LRRC40: variants seen among roughly 807,000 people sequenced by gnomAD.
LRRC40 encodes leucine-rich repeat-containing protein 40.
LRRC40 carries 76 observed loss-of-function variants against 72.8 expected under a neutral mutation model. That is an observed-to-expected ratio of 1.04 (90% CI 0.87 to 1.26). The LOEUF is 1.26. LRRC40 is among the 50% of genes most tolerant of loss of function. The pLI is 0.00. For synonymous variants in LRRC40, 243 were observed against 254.2 expected, an observed-to-expected ratio of 0.96 and a Z score of 0.42; for missense variants, 684 against 698.9, an observed-to-expected ratio of 0.98 and a Z score of 0.24.
chr1:70,146,178 C>A (rs2100214695), intron 14 of LRRC40, among the ~76,000 whole-genome samples: 1 of 152,184 alleles, frequency 6.6e-6, no homozygotes, highest in Non-Finnish European at 1.5e-5. Flanking sequence ...GTGTGTTCCA[C>A]CACACCCGGC....
At chr1:70,161,139 G>A (rs934498355) in intron 9 of LRRC40, among the ~76,000 whole-genome samples, 10 of 151,170 alleles carry the variant, frequency 6.6e-5, no homozygotes, top group African/African-American at 1.5e-4. Context: ...CCAGGCTGGA[G>A]TGCAGTGGCG....
intron 1 of LRRC40, among the ~76,000 whole-genome samples, chr1:70,190,682 A>AAAAAAAAAAAAAAAAAAAC (rs1668478371): frequency 6.8e-6 from 1 of 147,898 alleles, no homozygotes; most frequent in African/African-American, 2.5e-5. Context: ...GTCTCTAAAA[A>AAAAAAAAAAAAAAAAAAAC]AAAAAAAAAA....
intron 1 of LRRC40, among the ~76,000 whole-genome samples, chr1:70,203,148 A>G (rs1315938006): frequency 6.6e-6 from 1 of 151,836 alleles, no homozygotes; most frequent in Non-Finnish European, 1.5e-5. Flanking sequence ...CTGCCTCTCA[A>G]TTTGCCAGAG....
chr1:70,201,227 A>C (rs1668731146), intron 1 of LRRC40, among the ~76,000 whole-genome samples: 1 of 152,194 alleles, frequency 6.6e-6, no homozygotes, highest in South Asian at 2.1e-4. Context: ...AGGTACTAAT[A>C]TTTTGGGGTA....
chr1:70,184,665 T>C, intron 4 of LRRC40, 120 bp downstream of exon 4: 1 of 956,302 alleles, frequency 1.0e-6, no homozygotes, highest in African/African-American at 1.7e-5. Flanking sequence ...TTTCTGATAA[T>C]CTAATCACAA....
chr1:70,182,012 T>A (rs1459929906), intron 4 of LRRC40, among the ~76,000 whole-genome samples: 1 of 151,978 alleles, frequency 6.6e-6, no homozygotes, highest in Non-Finnish European at 1.5e-5. Flanking sequence ...TCATTTAATA[T>A]AACATTAAAC....
In LRRC40 at chr1:70,181,155, T is replaced by C. The variant is rs772790179; in HGVS notation, c.592A>G (p.Ser198Gly). 5 of 1,597,124 alleles carry C rather than the reference T, an allele frequency of 3.1e-6. No homozygotes were observed. The highest frequency in any genetic ancestry group is 4.3e-6 in the Non-Finnish European group (5 of 1,172,682). The change falls in exon 5 of 15, where the codon AGT (serine) becomes GGT (glycine). Residue 198 changes from serine to glycine, a missense_variant. By Grantham distance (56) the Ser-to-Gly change is moderately conservative. Transcript: ENST00000370952. ...TVPASFSSLS[S>G]LVRLNLSSNE... ...CTAGAAAGATTGAGTCGCACCAGAC[T>C]GGACAGAGAAGAAAAACTAGCAGGA...
intron 13 of LRRC40, among the ~76,000 whole-genome samples, chr1:70,149,119 A>T (rs183041391): frequency 1.3e-5 from 2 of 152,342 alleles, no homozygotes; most frequent in African/African-American, 4.8e-5. Context: ...GTTCTTAAAA[A>T]GATAACAAAT....
intron 13 of LRRC40, among the ~76,000 whole-genome samples, chr1:70,150,550 G>A (rs1268622191): frequency 6.6e-6 from 1 of 152,192 alleles, no homozygotes; most frequent in Non-Finnish European, 1.5e-5. Flanking sequence ...AGTGTTTGCA[G>A]AACAAAATCT....
intron 4 of LRRC40, among the ~76,000 whole-genome samples, chr1:70,181,486 C>A (rs1162068547): frequency 1.3e-5 from 2 of 151,990 alleles, no homozygotes; most frequent in African/African-American, 4.8e-5. Flanking sequence ...ATAACGGATT[C>A]TGTTAAAACA....
At chr1:70,197,912 T>C (rs1668652098) in intron 1 of LRRC40, among the ~76,000 whole-genome samples, 1 of 152,000 alleles carries the variant, frequency 6.6e-6, no homozygotes. Context: ...AAACCCCATC[T>C]CTACTAAAAA....
At chr1:70,196,105 T>C (rs1668604409) in intron 1 of LRRC40, among the ~76,000 whole-genome samples, 1 of 151,840 alleles carries the variant, frequency 6.6e-6, no homozygotes, top group Non-Finnish European at 1.5e-5. Flanking sequence ...GAAATGTTTC[T>C]TTCTAAGAAA....
intron 14 of LRRC40, chr1:70,148,076 T>C (rs897688183): frequency 1.4e-5 from 2 of 138,018 alleles, no homozygotes; most frequent in Non-Finnish European, 3.0e-5. Flanking sequence ...ACAGCAGATG[T>C]AAAGAGTGAG....
chr1:70,155,661 C>T (rs771128118), intron 11 of LRRC40, 28 bp downstream of exon 11: 2 of 1,076,926 alleles, frequency 1.9e-6, no homozygotes, highest in Admixed American at 2.1e-5. Context: ...TGAGTCACAA[C>T]CTATAGACAT....
intron 4 of LRRC40, among the ~76,000 whole-genome samples, chr1:70,184,477 T>C (rs1254330818): frequency 6.6e-6 from 1 of 151,866 alleles, no homozygotes. Flanking sequence ...AAAAGAGAAT[T>C]GGTATATGCT....
chr1:70,202,572 T>C (rs752673301), intron 1 of LRRC40, among the ~76,000 whole-genome samples: 1 of 152,138 alleles, frequency 6.6e-6, no homozygotes, highest in Non-Finnish European at 1.5e-5. Flanking sequence ...ACAGGATTTT[T>C]AGGGAAGTGA....
At chr1:70,170,246 A>G (rs908354208) in intron 9 of LRRC40, among the ~76,000 whole-genome samples, 2 of 152,202 alleles carry the variant, frequency 1.3e-5, no homozygotes, top group African/African-American at 2.4e-5. Flanking sequence ...GAGAAGGGAA[A>G]TTCCTTAACA....
At chr1:70,146,884 G>A (rs1388207619) in intron 14 of LRRC40, 1 of 152,096 alleles carries the variant, frequency 6.6e-6, no homozygotes, top group Admixed American at 6.5e-5. Context: ...TCAATTAAGA[G>A]AGGCTTTTTT....
chr1:70,183,581 G>T (rs76091413), intron 4 of LRRC40, among the ~76,000 whole-genome samples: 13,858 of 150,738 alleles, frequency 0.092, 797 homozygotes, highest in East Asian at 0.29. Context: ...TTGAGACAGG[G>T]TCTCCTGTCA....
Sources: gnomAD v4.1 joint callset for allele counts (sites outside exome capture counted in the v4.1 genomes callset) on GRCh38, gnomAD v4.1.1 for gene constraint, MANE v1.5 for transcripts, NCBI Gene and HGNC (gene_info 2026-07-23, HGNC 2026-07-21) for gene names.